Variants in SUPT3H observed in about 807,000 individuals in gnomAD.
The protein encoded by SUPT3H is transcription initiation protein SPT3 homolog.
SUPT3H carries 44 observed loss-of-function variants against 44.3 expected under a neutral mutation model. The observed-to-expected ratio is 0.99, with a 90% confidence interval of 0.78 to 1.28. The LOEUF is 1.28. SUPT3H is among the 50% of genes most tolerant of loss of function. The pLI is 0.00. For missense variants in SUPT3H, 380 were observed against 387.1 expected, an observed-to-expected ratio of 0.98 and a Z score of 0.15; for synonymous variants, 124 against 125.6, an observed-to-expected ratio of 0.99 and a Z score of 0.09.
At chr6:44,969,413 T>C (rs1307064956) in intron 6 of SUPT3H, among the ~76,000 whole-genome samples, 3 of 152,174 alleles carry the variant, frequency 2.0e-5, no homozygotes, top group Non-Finnish European at 4.4e-5. Flanking sequence ...GTAATTTTTT[T>C]TTTTAACAGT....
chr6:45,323,531 A>G (rs1485371070), intron 2 of SUPT3H, among the ~76,000 whole-genome samples: 1 of 152,126 alleles, frequency 6.6e-6, no homozygotes, highest in Non-Finnish European at 1.5e-5. Flanking sequence ...AAAAAGAAAT[A>G]TGCCTCAGTG....
At chr6:45,143,275 C>A in intron 2 of SUPT3H, among the ~76,000 whole-genome samples, 1 of 152,006 alleles carries the variant, frequency 6.6e-6, no homozygotes, top group South Asian at 2.1e-4. Flanking sequence ...GCACATGGAA[C>A]GTTCTGCAAG....
In SUPT3H at chr6:45,003,121, ATTG is replaced by A. The variant is rs1782228055; in HGVS notation, c.504+529_504+531del. 2.0e-5 allele frequency among the ~76,000 whole-genome samples: 3 copies of A among 152,264 alleles called. No homozygotes were observed. In the South Asian group the frequency reaches 6.2e-4, roughly 32 times the overall value. ...AAGAAGACATATAATTTTCAAATGC[ATTG>A]TTAAGACATATCCAGGGAATCCAAA... On this transcript the variant is annotated intron_variant, in intron 6 of 10. Coordinates refer to ENST00000371459, the MANE Select transcript of SUPT3H (RefSeq NM_003599.4).
chr6:45,328,705 T>A (rs751540046), intron 2 of SUPT3H: 1 of 1,611,616 alleles, frequency 6.2e-7, no homozygotes, highest in African/African-American at 1.3e-5. Flanking sequence ...ACAAGTTCTA[T>A]CTGAAAAAAA....
chr6:45,114,736 T>C (rs1254784702), intron 2 of SUPT3H, among the ~76,000 whole-genome samples: 1 of 152,152 alleles, frequency 6.6e-6, no homozygotes, highest in South Asian at 2.1e-4. Flanking sequence ...GATAGCAGCA[T>C]AAAGCAAATT....
intron 3 of SUPT3H, among the ~76,000 whole-genome samples, chr6:45,101,109 C>A (rs1171740860): frequency 6.6e-6 from 1 of 152,180 alleles, no homozygotes; most frequent in Non-Finnish European, 1.5e-5. Flanking sequence ...ATAAATATCA[C>A]ATGTTCTCAC....
chr6:45,314,341 G>A (rs1784396003), intron 2 of SUPT3H, among the ~76,000 whole-genome samples: 1 of 152,140 alleles, frequency 6.6e-6, no homozygotes. Flanking sequence ...TCGGTAAAGA[G>A]GAAGTCAGAC....
chr6:45,270,159 G>A (rs1362130490), intron 2 of SUPT3H, among the ~76,000 whole-genome samples: 1 of 152,122 alleles, frequency 6.6e-6, no homozygotes, highest in East Asian at 1.9e-4. Flanking sequence ...TAAACCTTAT[G>A]TTCAACATAA....
At chr6:44,962,894 TC>T (rs1776234858) in intron 6 of SUPT3H, among the ~76,000 whole-genome samples, 1 of 151,954 alleles carries the variant, frequency 6.6e-6, no homozygotes, top group African/African-American at 2.4e-5. Flanking sequence ...ATTTTCTGTC[TC>T]CCTTTTTTCT....
chr6:45,164,477 C>T (rs1003420372), intron 2 of SUPT3H, among the ~76,000 whole-genome samples: 32 of 152,128 alleles, frequency 2.1e-4, no homozygotes, highest in African/African-American at 7.7e-4. Flanking sequence ...TTTAGCTTTT[C>T]CAGTCTCCTT....
intron 2 of SUPT3H, among the ~76,000 whole-genome samples, chr6:45,219,231 G>A (rs1468353376): frequency 2.4e-4 from 37 of 151,854 alleles, no homozygotes; most frequent in Non-Finnish European, 5.9e-5. Flanking sequence ...GTAGATGGAA[G>A]GAAATCATAA....
intron 10 of SUPT3H, among the ~76,000 whole-genome samples, chr6:44,855,741 C>T (rs1035303556): frequency 6.6e-6 from 1 of 151,918 alleles, no homozygotes; most frequent in Non-Finnish European, 1.5e-5. Flanking sequence ...GGTCCCACCC[C>T]ACCACCCTGA....
chr6:45,158,275 C>T (rs10948206), intron 2 of SUPT3H, among the ~76,000 whole-genome samples: 24,384 of 61,658 alleles, frequency 0.4, 3,453 homozygotes, highest in Non-Finnish European at 0.44. Context: ...TATAAATATA[C>T]ATATATATAT....
intron 10 of SUPT3H, among the ~76,000 whole-genome samples, chr6:44,919,460 GTA>G (rs1426718363): frequency 2.6e-5 from 1 of 38,378 alleles, no homozygotes; most frequent in East Asian, 1.0e-3. Context: ...AAGCTATAGT[GTA>G]TTTTTTTTTT....
rs116575901 is a variant in SUPT3H, at chr6:45,214,805, T to A, written c.102-108799A>T. Among the ~76,000 whole-genome samples, 523 of 152,300 alleles carry A rather than the reference T, an allele frequency of 3.4e-3. 6 individuals are homozygous for A. The highest frequency in any genetic ancestry group is 0.012 in the African/African-American group (500 of 41,576). On this transcript the variant is annotated intron_variant, in intron 2 of 10. Coordinates refer to ENST00000371459, the MANE Select transcript of SUPT3H (RefSeq NM_003599.4). ...TTGAGGCTGCAGTGAGCTATCATCA[T>A]GGCAGTGCACTCCAAAATAGGTAAC... is the stretch of plus-strand genomic sequence containing the variant.
chr6:45,096,896 A>G (rs183899556), intron 3 of SUPT3H, among the ~76,000 whole-genome samples: 226 of 152,310 alleles, frequency 1.5e-3, no homozygotes, highest in African/African-American at 5.1e-3. Flanking sequence ...ATCTTGATAT[A>G]TATCTATCAG....
chr6:44,983,795 T>G (rs889252579), intron 6 of SUPT3H, among the ~76,000 whole-genome samples: 3 of 152,232 alleles, frequency 2.0e-5, no homozygotes, highest in Admixed American at 1.3e-4. Context: ...GGATGTTTTT[T>G]AACTGAAAGA....
intron 2 of SUPT3H, among the ~76,000 whole-genome samples, chr6:45,193,215 A>C (rs1815431916): frequency 6.6e-6 from 1 of 152,124 alleles, no homozygotes; most frequent in African/African-American, 2.4e-5. Context: ...ACACCAAAAA[A>C]ACCCCACTTA....
In SUPT3H at chr6:44,827,933, C is replaced by T. The variant is rs1027680619; in HGVS notation, c.*1883G>A. Among the ~76,000 whole-genome samples, 1 of 151,984 alleles carries T rather than the reference C, an allele frequency of 6.6e-6. No homozygotes were observed. Among genetic ancestry groups the T allele is most frequent in the African/African-American group, 2.4e-5 (1 of 41,424 alleles). On this transcript the variant is annotated 3_prime_UTR_variant, in exon 11 of 11. Transcript: ENST00000371459. ...GATAGACAAACATATGCCAGACCAA[C>T]AAAAACACAGACCTGTCATATTTCT... is the stretch of plus-strand genomic sequence containing the variant.
Sources: gnomAD v4.1 joint callset for allele counts (sites outside exome capture counted in the v4.1 genomes callset) on GRCh38, gnomAD v4.1.1 for gene constraint, MANE v1.5 for transcripts, NCBI Gene and HGNC (gene_info 2026-07-23, HGNC 2026-07-21) for gene names.